Variants in CHSY3 observed in about 807,000 individuals in gnomAD.
CHSY3 encodes N-acetylgalactosaminyl-proteoglycan 3-beta-glucuronosyltransferase 3.
Under a neutral mutation model 67.2 loss-of-function variants are expected in CHSY3, and 35 were observed. The ratio of observed to expected loss-of-function variants is 0.52; its 90% CI spans 0.40 to 0.69. CHSY3 has a LOEUF of 0.69. Among genes scored for constraint, CHSY3 ranks in the 30% least tolerant of loss-of-function variants. The pLI is 0.00. For synonymous variants in CHSY3, 474 were observed against 434.7 expected, an observed-to-expected ratio of 1.09 and a Z score of -1.12; for missense variants, 1,069 against 1,138.5, an observed-to-expected ratio of 0.94 and a Z score of 0.88.
chr5:130,129,878 G>A (rs1768424592), intron 2 of CHSY3, among the ~76,000 whole-genome samples: 1 of 152,058 alleles, frequency 6.6e-6, no homozygotes, highest in Non-Finnish European at 1.5e-5. Context: ...AAGCCGTCAA[G>A]CACTGTATAC....
intron 2 of CHSY3, among the ~76,000 whole-genome samples, chr5:130,062,361 A>G (rs1765742463): frequency 6.6e-6 from 1 of 152,130 alleles, no homozygotes; most frequent in Admixed American, 6.6e-5. Flanking sequence ...ACACATGGAC[A>G]TAAAGATGGA....
intron 2 of CHSY3, among the ~76,000 whole-genome samples, chr5:129,940,604 T>C (rs1223277251): frequency 1.3e-5 from 2 of 152,112 alleles, no homozygotes; most frequent in Non-Finnish European, 2.9e-5. Flanking sequence ...TCCCTCTTTT[T>C]ATAAACTCTG....
intron 2 of CHSY3, among the ~76,000 whole-genome samples, chr5:129,919,437 G>C (rs564648673): frequency 6.6e-6 from 1 of 152,320 alleles, no homozygotes; most frequent in Non-Finnish European, 1.5e-5. Flanking sequence ...AGATACATGA[G>C]ACTGGGTAAA....
chr5:129,995,724 T>C (rs1763519239), intron 2 of CHSY3, among the ~76,000 whole-genome samples: 1 of 152,086 alleles, frequency 6.6e-6, no homozygotes, highest in African/African-American at 2.4e-5. Flanking sequence ...TTATCCACTA[T>C]ACTCTGTTTT....
chr5:130,007,859 C>G (rs1763920717), intron 2 of CHSY3, among the ~76,000 whole-genome samples: 1 of 152,138 alleles, frequency 6.6e-6, no homozygotes, highest in African/African-American at 2.4e-5. Context: ...TGTCTGCCAG[C>G]CTCTCTCAGT....
At chr5:130,040,260 G>A (rs1178344421) in intron 2 of CHSY3, among the ~76,000 whole-genome samples, 2 of 152,066 alleles carry the variant, frequency 1.3e-5, no homozygotes, top group African/African-American at 4.8e-5. Flanking sequence ...GAAACACAAA[G>A]TAACTATCTT....
In CHSY3 at chr5:129,997,461, A is replaced by G. The variant is rs536719194; in HGVS notation, c.1086+89101A>G. On this transcript the variant is annotated intron_variant, in intron 2 of 2. Transcript: ENST00000305031. The stretch of plus-strand genomic sequence containing the variant: ...TTTGGCTTCAAGACTAGAAATAATC[A>G]ATAACTTAATTGATAGTAATTTAAC... Among the ~76,000 whole-genome samples the G allele has an allele frequency of 8.5e-5, 13 of 152,302 alleles. No individual in the cohort carries two copies. In the East Asian group the frequency reaches 2.5e-3, roughly 29 times the overall value.
In CHSY3 at chr5:129,904,894, C is replaced by T; in HGVS notation, c.65C>T (p.Ala22Val). 6.6e-7 allele frequency: 1 copy of T among 1,525,618 alleles called. No individual in the cohort carries two copies. Among genetic ancestry groups the T allele is most frequent in the South Asian group, 1.2e-5 (1 of 82,566 alleles). 94.5% of individuals were successfully genotyped at this position (1,525,618 alleles called of 1,614,324 possible). A position where few individuals can be genotyped will look rare whatever the true frequency, so the allele number is the denominator to read the frequency against. The change falls in exon 1 of 3, where the codon GCC becomes GTC. Residue 22 changes from alanine (A) to valine (V), a missense_variant. Physicochemically the swap from Ala to Val is moderately conservative, Grantham distance 64. This residue lies in a region of CHSY3 where 309 missense variants were observed against 262.5 expected (regional missense o/e 1.18). Transcript: ENST00000305031. ...VALGLVLGFTAASWLIAPRVA... is the reference protein window; with the variant it reads ...VALGLVLGFTVASWLIAPRVA... ...TTAGGGCTGGTGCTGGGCTTCACCGCCGCGTCCTGGCTCATCGCCCCCAGG... is the reference window on the plus strand; with the variant it reads ...TTAGGGCTGGTGCTGGGCTTCACCGTCGCGTCCTGGCTCATCGCCCCCAGG...
chr5:130,159,222 G>C (rs942243502), intron 2 of CHSY3, among the ~76,000 whole-genome samples: 14 of 136,452 alleles, frequency 1.0e-4, no homozygotes, highest in Non-Finnish European at 2.0e-4. Context: ...AGAGTGCAGT[G>C]GCACAATCAT....
chr5:129,931,293 G>C (rs910712534), intron 2 of CHSY3, among the ~76,000 whole-genome samples: 1 of 152,028 alleles, frequency 6.6e-6, no homozygotes, highest in East Asian at 1.9e-4. Context: ...TTCCAGCGTA[G>C]CTCTAAATGC....
At chr5:129,925,426 T>C (rs531958028) in intron 2 of CHSY3, among the ~76,000 whole-genome samples, 11 of 152,302 alleles carry the variant, frequency 7.2e-5, no homozygotes, top group African/African-American at 2.4e-4. Flanking sequence ...CTTCATGTTC[T>C]TTTTAAAATT....
At chr5:130,026,652 A>G (rs1197810661) in intron 2 of CHSY3, among the ~76,000 whole-genome samples, 2 of 152,110 alleles carry the variant, frequency 1.3e-5, no homozygotes, top group Non-Finnish European at 2.9e-5. Context: ...TTAAAATTGT[A>G]TGTAATTGTT....
At chr5:130,083,941 T>G (rs1766522580) in intron 2 of CHSY3, among the ~76,000 whole-genome samples, 1 of 151,956 alleles carries the variant, frequency 6.6e-6, no homozygotes, top group African/African-American at 2.4e-5. Flanking sequence ...TGTATTTCAG[T>G]TTTTTCCTTC....
chr5:130,137,782 TAC>T (rs1768713940), intron 2 of CHSY3, among the ~76,000 whole-genome samples: 1 of 152,178 alleles, frequency 6.6e-6, no homozygotes, highest in African/African-American at 2.4e-5. Context: ...GAAATTTGGC[TAC>T]AGTGTGAGAA....
At chr5:130,002,026 G>C (rs901982894) in intron 2 of CHSY3, 7 of 879,372 alleles carry the variant, frequency 8.0e-6, no homozygotes, top group Non-Finnish European at 9.5e-6. Context: ...TCCTTTTTCT[G>C]TGTTCTTTTT....
At chr5:130,022,834 T>C (rs1367195588) in intron 2 of CHSY3, among the ~76,000 whole-genome samples, 1 of 151,988 alleles carries the variant, frequency 6.6e-6, no homozygotes, top group Non-Finnish European at 1.5e-5. Context: ...TATAAAATAG[T>C]TATTTCTCAT....
intron 2 of CHSY3, among the ~76,000 whole-genome samples, chr5:130,002,451 C>T (rs760504871): frequency 6.6e-6 from 1 of 152,128 alleles, no homozygotes; most frequent in African/African-American, 2.4e-5. Flanking sequence ...TTACAGTTCC[C>T]TCTGCAGATG....
intron 2 of CHSY3, among the ~76,000 whole-genome samples, chr5:130,044,815 G>A (rs114653174): frequency 6.6e-6 from 1 of 152,114 alleles, no homozygotes; most frequent in Non-Finnish European, 1.5e-5. Flanking sequence ...ATCAGATGTC[G>A]GCATATTGGG....
chr5:130,065,028 C>T (rs1436655114), intron 2 of CHSY3, among the ~76,000 whole-genome samples: 1 of 152,126 alleles, frequency 6.6e-6, no homozygotes, highest in Non-Finnish European at 1.5e-5. Context: ...TGATTTCCTG[C>T]ATAGGCTGTG....
Sources: gnomAD v4.1 joint callset for allele counts (sites outside exome capture counted in the v4.1 genomes callset) on GRCh38, gnomAD v4.1.1 for gene constraint, gnomAD v4.1.1 regional missense constraint, MANE v1.5 for transcripts, NCBI Gene and HGNC (gene_info 2026-07-23, HGNC 2026-07-21) for gene names.